The following SCRN1 variants were observed in gnomAD, a reference collection of about 807,000 sequenced individuals.
The protein encoded by SCRN1 is secernin-1.
In SCRN1, 19 loss-of-function variants were observed where a neutral mutation model predicts 43.3. The ratio of observed to expected loss-of-function variants is 0.44; its 90% CI spans 0.31 to 0.64. The LOEUF (loss-of-function observed/expected upper bound fraction) is 0.64, where lower values mean the gene tolerates loss of function less well. Ranked by LOEUF, SCRN1 falls within the 30% of genes least tolerant of loss-of-function variation. SCRN1 has a pLI of 0.09. For missense variants in SCRN1, 447 were observed against 524.1 expected, an observed-to-expected ratio of 0.85 and a Z score of 1.44; for synonymous variants, 183 against 188.9, an observed-to-expected ratio of 0.97 and a Z score of 0.26.
chr7:29,988,356 A>T (rs1370181544), intron 1 of SCRN1, among the ~76,000 whole-genome samples: 1 of 152,210 alleles, frequency 6.6e-6, no homozygotes, highest in Non-Finnish European at 1.5e-5. Flanking sequence ...TCATCTTTTG[A>T]TAAGTTAGGA....
chr7:29,925,698 C>T lies in SCRN1; in HGVS notation c.1086+754G>A, dbSNP rs142796993. 1.2e-3 allele frequency among the ~76,000 whole-genome samples: 185 copies of T among 152,068 alleles called. 1 individual carries two copies. The highest frequency in any genetic ancestry group is 4.2e-3 in the African/African-American group (173 of 41,472). Reference sequence around the variant, plus strand: ...GGGAGAGCTGCACTTTGAAGGATTACGACTTCTTTTTTAAAACTAGGAATA... The same window carrying T: ...GGGAGAGCTGCACTTTGAAGGATTATGACTTCTTTTTTAAAACTAGGAATA... On this transcript the variant is annotated intron_variant, in intron 7 of 7. Transcript: ENST00000242059.
At chr7:29,961,534 T>C (rs992708803) in intron 2 of SCRN1, among the ~76,000 whole-genome samples, 12 of 150,586 alleles carry the variant, frequency 8.0e-5, no homozygotes, top group African/African-American at 2.9e-4. Context: ...CGCCTTTCTA[T>C]TCCACAAAGC....
chr7:29,931,427 T>C (rs2128087202), intron 6 of SCRN1, among the ~76,000 whole-genome samples: 1 of 152,348 alleles, frequency 6.6e-6, no homozygotes, highest in Middle Eastern at 3.4e-3. Flanking sequence ...ATGAGATGAC[T>C]GAGGCTCACA....
intron 7 of SCRN1, among the ~76,000 whole-genome samples, chr7:29,925,122 GC>G (rs769418649): frequency 1.3e-5 from 2 of 152,116 alleles, no homozygotes; most frequent in Non-Finnish European, 2.9e-5. Flanking sequence ...AATGTGGACA[GC>G]CCTGGAGAAA....
At chr7:29,986,068 C>T (rs1789141237) in intron 1 of SCRN1, among the ~76,000 whole-genome samples, 2 of 152,228 alleles carry the variant, frequency 1.3e-5, no homozygotes. Context: ...AACCCTGTCT[C>T]TACTAAAAAT....
intron 1 of SCRN1, among the ~76,000 whole-genome samples, chr7:29,979,032 G>A (rs1439814930): frequency 6.6e-6 from 1 of 152,142 alleles, no homozygotes; most frequent in Non-Finnish European, 1.5e-5. Flanking sequence ...TATCTATAAT[G>A]CAAAATATTT....
intron 4 of SCRN1, among the ~76,000 whole-genome samples, chr7:29,941,585 C>T (rs1024340345): frequency 3.3e-5 from 5 of 151,926 alleles, no homozygotes; most frequent in African/African-American, 4.8e-5. Context: ...TGTGTGCATG[C>T]GTGTGTGTAT....
At chr7:29,955,038 T>C in intron 3 of SCRN1, 141 bp downstream of exon 3, 1 of 691,214 alleles carries the variant, frequency 1.4e-6, no homozygotes, top group Non-Finnish European at 2.4e-6. Flanking sequence ...ATTTATCTCA[T>C]CATCTTAAAG....
chr7:29,952,946 T>C (rs1197789900), intron 3 of SCRN1, among the ~76,000 whole-genome samples: 1 of 152,232 alleles, frequency 6.6e-6, no homozygotes, highest in African/African-American at 2.4e-5. Flanking sequence ...GAGTTAACGT[T>C]ATATGGTGAA....
At position 29,968,942 on chromosome 7, in the gene SCRN1, C is replaced by T. The variant is rs765904319; in HGVS notation, c.126G>A (p.Ser42=). ...TGCTCTCCGGTTCGTGATCAGCAGC[C>T]GAGAAATACACAACCTCTTGCACTT... ...RDEVQEVVYF[S]AADHEPESKV... The change falls in exon 2 of 8, where the codon TCG becomes TCA. Residue 42 remains serine (S), a synonymous_variant. Coordinates refer to ENST00000242059, the MANE Select transcript of SCRN1 (RefSeq NM_014766.5). The T allele has an allele frequency of 1.6e-5, 26 of 1,613,982 alleles. No individual in the cohort carries two copies. In the Middle Eastern group the frequency reaches 4.9e-4, roughly 31 times the overall value.
chr7:29,978,877 A>G (rs954509486), intron 1 of SCRN1, among the ~76,000 whole-genome samples: 3 of 152,208 alleles, frequency 2.0e-5, no homozygotes, highest in African/African-American at 7.2e-5. Context: ...TTAAAGCAAA[A>G]TGTCTAATTT....
intron 2 of SCRN1, 124 bp from the exon 3 acceptor site, chr7:29,955,484 G>T: frequency 1.2e-6 from 1 of 859,962 alleles, no homozygotes. Flanking sequence ...AAGGCCTTGG[G>T]AATACCCTGA....
intron 2 of SCRN1, among the ~76,000 whole-genome samples, chr7:29,963,041 C>A (rs186548798): frequency 6.7e-6 from 1 of 148,946 alleles, no homozygotes; most frequent in African/African-American, 2.5e-5. Context: ...TTAGTCAATT[C>A]TTTAAAAAAA....
intron 1 of SCRN1, among the ~76,000 whole-genome samples, chr7:29,973,091 C>T (rs1425618980): frequency 6.6e-6 from 1 of 152,148 alleles, no homozygotes; most frequent in Non-Finnish European, 1.5e-5. Context: ...TCCATATAAA[C>T]TGAATTAGCA....
At chr7:29,925,629 T>G (rs529942443) in intron 7 of SCRN1, among the ~76,000 whole-genome samples, 8 of 152,194 alleles carry the variant, frequency 5.3e-5, no homozygotes, top group South Asian at 2.1e-4. Context: ...TTTTCTTGTT[T>G]GAATTGATGA....
rs1357876555 is a variant in SCRN1, at chr7:29,921,935, CAGTG to C, written c.*2018_*2021del. ...CATAGTAGGCGAAGGTGAAATCACT[CAGTG>C]AGATTTTAGAGCAGCTTTCTGTATC... On this transcript the variant is annotated 3_prime_UTR_variant, in exon 8 of 8. Transcript: ENST00000242059. The C allele has an allele frequency of 2.6e-5, 4 of 152,328 alleles. No homozygotes were observed. Among genetic ancestry groups the C allele is most frequent in the African/African-American group, 9.6e-5 (4 of 41,582 alleles). The allele number at this position is 152,328 out of a possible 1,614,324, so 9.4% of individuals were successfully genotyped here. A position where few individuals can be genotyped will look rare whatever the true frequency, so the allele number is the denominator to read the frequency against.
At chr7:29,938,447 T>A (rs1205527213) in intron 5 of SCRN1, among the ~76,000 whole-genome samples, 10 of 152,214 alleles carry the variant, frequency 6.6e-5, no homozygotes, top group Admixed American at 6.5e-4. Flanking sequence ...AATCTGGCCA[T>A]AAACTGGCCC....
At chr7:29,944,662 C>CAAAAAA (rs397729276) in intron 3 of SCRN1, among the ~76,000 whole-genome samples, 1 of 77,764 alleles carries the variant, frequency 1.3e-5, no homozygotes, top group African/African-American at 4.9e-5. Context: ...GACCCTGTCT[C>CAAAAAA]AAAAAAAAAA....
intron 1 of SCRN1, chr7:29,988,947 C>G (rs1210425576): frequency 1.3e-5 from 2 of 152,232 alleles, no homozygotes; most frequent in Admixed American, 1.3e-4. Context: ...GCCTCAAGAG[C>G]GAGCCGAGGA....
Sources: allele counts gnomAD v4.1 joint callset (sites outside exome capture counted in the v4.1 genomes callset), GRCh38; gene constraint gnomAD v4.1.1; transcripts MANE v1.5; gene names NCBI Gene and HGNC (gene_info 2026-07-23, HGNC 2026-07-21).